The following JPH3 variants were observed in gnomAD, a reference collection of about 807,000 sequenced individuals.
JPH3 encodes the protein junctophilin 3.
JPH3 carries 11 observed loss-of-function variants against 59.6 expected under a neutral mutation model. The ratio of observed to expected loss-of-function variants is 0.18; its 90% confidence interval spans 0.12 to 0.31. JPH3 has a LOEUF of 0.31. Ranked by LOEUF, JPH3 falls within the 10% of genes least tolerant of loss-of-function variation. The pLI is 1.00. For missense variants in JPH3, 1,202 were observed against 1,105.7 expected (o/e 1.09, Z -1.24); for synonymous variants, 673 against 483.6 (o/e 1.39, Z -5.14).
intron 4 of JPH3, chr16:87,694,056 G>A (rs1034667587): frequency 6.6e-6 from 1 of 152,290 alleles, no homozygotes; most frequent in Admixed American, 6.5e-5. Flanking sequence ...GGCCACAGAC[G>A]GGGCTACGAT....
chr16:87,622,947 C>G (rs2031243140), intron 1 of JPH3, among the ~76,000 whole-genome samples: 1 of 152,154 alleles, frequency 6.6e-6, no homozygotes, highest in Non-Finnish European at 1.5e-5. Flanking sequence ...GACTTGCCTT[C>G]TCTGCGATGG....
Position 87,696,681 on chromosome 16 carries a change from AAT to A in JPH3, c.*23_*24del, listed in dbSNP as rs1332476373. ...TCTGATGAGATGTCGCGGTAGCAAA[AAT>A]AGAGAAAGGGTAGAAAAAAGGGACA... On this transcript the variant is annotated 3_prime_UTR_variant, in exon 5 of 5. Coordinates refer to ENST00000284262, the MANE Select transcript of JPH3 (RefSeq NM_020655.4). 1 of 1,593,302 alleles carries A rather than the reference AAT, an allele frequency of 6.3e-7. No homozygotes were observed. Among genetic ancestry groups the A allele is most frequent in the Admixed American group, 1.7e-5 (1 of 59,970 alleles).
chr16:87,625,397 C>T (rs545972070), intron 1 of JPH3, among the ~76,000 whole-genome samples: 4 of 152,322 alleles, frequency 2.6e-5, no homozygotes, highest in South Asian at 2.1e-4. Context: ...CCCAGCAGCT[C>T]GCAGGCTGCC....
intron 2 of JPH3, among the ~76,000 whole-genome samples, chr16:87,672,152 G>A (rs911875868): frequency 7.2e-5 from 11 of 152,114 alleles, no homozygotes; most frequent in Non-Finnish European, 1.5e-4. Context: ...GAAGAGTGGG[G>A]CACTGAGTCT....
intron 2 of JPH3, among the ~76,000 whole-genome samples, chr16:87,679,695 G>C (rs2033237398): frequency 6.6e-6 from 1 of 152,234 alleles, no homozygotes; most frequent in Admixed American, 6.5e-5. Context: ...GTCTGGGCTG[G>C]GTGTTGACCT....
chr16:87,645,661 C>T (rs1005693345), intron 2 of JPH3, among the ~76,000 whole-genome samples: 1 of 152,078 alleles, frequency 6.6e-6, no homozygotes, highest in Non-Finnish European at 1.5e-5. Flanking sequence ...AGGAATGGGT[C>T]CAGAGGTGAC....
intron 4 of JPH3, among the ~76,000 whole-genome samples, chr16:87,691,294 G>T (rs1341533528): frequency 6.6e-6 from 1 of 152,168 alleles, no homozygotes. Context: ...AGTGCTGCAG[G>T]AATGAAGGGC....
chr16:87,617,022 C>T (rs556589212), intron 1 of JPH3, among the ~76,000 whole-genome samples: 6 of 152,086 alleles, frequency 3.9e-5, no homozygotes, highest in South Asian at 2.1e-4. Flanking sequence ...GTCAGGAGTT[C>T]GAGACCAGCC....
chr16:87,624,959 C>T (rs907640518), intron 1 of JPH3, among the ~76,000 whole-genome samples: 12 of 152,086 alleles, frequency 7.9e-5, no homozygotes, highest in Non-Finnish European at 1.3e-4. Flanking sequence ...GCCACCATGC[C>T]CGGCTAATTT....
chr16:87,695,964 A>G (rs1033229275), intron 4 of JPH3: 4 of 455,940 alleles, frequency 8.8e-6, no homozygotes, highest in African/African-American at 6.0e-5. Context: ...TGGTGGCAGC[A>G]GCATTCAGGA....
At chr16:87,693,951 T>C (rs915507619) in intron 4 of JPH3, 3 of 152,264 alleles carry the variant, frequency 2.0e-5, no homozygotes, top group Non-Finnish European at 4.4e-5. Context: ...CTCCCACCCG[T>C]TGCCGCTGCC....
At chr16:87,639,440 C>G (rs1253000832) in intron 1 of JPH3, among the ~76,000 whole-genome samples, 2 of 152,204 alleles carry the variant, frequency 1.3e-5, no homozygotes, top group Non-Finnish European at 2.9e-5. Flanking sequence ...GGGAAAAATA[C>G]ACATAACCTA....
Position 87,644,403 on chromosome 16 carries a change from G to C in JPH3, c.528G>C (p.Ala176=). ...GCAGCGAGCACACCAACGGCACGGC[G>C]CTGCATCCCGACGCCTCTCCGGCGG... ...SLRSEHTNGT[A]LHPDASPAVA... The change falls in exon 2 of 5, where the codon GCG becomes GCC. Residue 176 remains alanine (A), a synonymous_variant. Transcript: ENST00000284262. 1 of 1,612,544 alleles carries C rather than the reference G, an allele frequency of 6.2e-7. No homozygotes were observed. The highest frequency in any genetic ancestry group is 1.3e-5 in the African/African-American group (1 of 75,052).
At chr16:87,617,262 T>A (rs138508410) in intron 1 of JPH3, among the ~76,000 whole-genome samples, 113 of 152,074 alleles carry the variant, frequency 7.4e-4, no homozygotes, top group African/African-American at 2.6e-3. Context: ...CCAAATAAAA[T>A]AGTCCTTTCT....
intron 2 of JPH3, among the ~76,000 whole-genome samples, chr16:87,675,591 G>C (rs993620703): frequency 1.3e-5 from 2 of 152,232 alleles, no homozygotes; most frequent in African/African-American, 4.8e-5. Flanking sequence ...TGTGTCTGGG[G>C]CTGTGTTTTC....
intron 4 of JPH3, chr16:87,696,282 C>A (rs1263409461): frequency 2.0e-6 from 1 of 500,842 alleles, no homozygotes; most frequent in Non-Finnish European, 3.6e-6. Context: ...GTGGTTCTCT[C>A]CAAGGGGACC....
At chr16:87,670,418 G>A (rs771473849) in intron 2 of JPH3, among the ~76,000 whole-genome samples, 11 of 152,190 alleles carry the variant, frequency 7.2e-5, no homozygotes, top group South Asian at 2.1e-4. Context: ...GTCCAGCCTG[G>A]ACTTGCCACC....
intron 2 of JPH3, among the ~76,000 whole-genome samples, chr16:87,677,227 A>ACACAC (rs1567610816): frequency 0.015 from 1,479 of 99,024 alleles, 51 homozygotes; most frequent in Admixed American, 0.02. Context: ...CACACACACA[A>ACACAC]AAAAAAAAAT....
At chr16:87,660,327 G>C (rs1383842144) in intron 2 of JPH3, among the ~76,000 whole-genome samples, 1 of 152,162 alleles carries the variant, frequency 6.6e-6, no homozygotes, top group African/African-American at 2.4e-5. Context: ...GGGGGCTGCA[G>C]GGAGGGCACA....
Sources: gnomAD v4.1 joint callset for allele counts (sites outside exome capture counted in the v4.1 genomes callset) on GRCh38, gnomAD v4.1.1 for gene constraint, MANE v1.5 for transcripts, NCBI Gene and HGNC (gene_info 2026-07-23, HGNC 2026-07-21) for gene names.